Variants in NUP210L observed in about 807,000 individuals in gnomAD.
The protein encoded by NUP210L is nucleoporin 210 like, also known as nuclear pore membrane glycoprotein 210-like.
A neutral mutation model predicts 208.5 loss-of-function variants in NUP210L; 74 were observed. That is an observed-to-expected ratio of 0.35 (90% CI 0.29 to 0.43). NUP210L has a LOEUF of 0.43. NUP210L is among the 20% of genes least tolerant of loss of function. NUP210L has a pLI of 1.00. For synonymous variants in NUP210L, 780 were observed against 816.9 expected (o/e 0.95, Z 0.77); for missense variants, 1,843 against 2,289.4 (o/e 0.81, Z 3.98).
exon 1 of NUP210L, chr1:154,155,048 G>T: frequency 6.3e-7 from 1 of 1,598,030 alleles, no homozygotes; most frequent in South Asian, 1.1e-5. Flanking sequence ...CAGTCATGGC[G>T]ACTGCCAGGT....
chr1:154,061,642 C>A, exon 18 of NUP210L: 1 of 1,607,906 alleles, frequency 6.2e-7, no homozygotes, highest in African/African-American at 1.3e-5. Context: ...AGTACAGTCC[C>A]TTTTATCTGA....
At chr1:154,139,567 G>A (rs1658723463) in intron 5 of NUP210L, among the ~76,000 whole-genome samples, 1 of 151,958 alleles carries the variant, frequency 6.6e-6, no homozygotes, top group African/African-American at 2.4e-5. Context: ...GTGGGCTCAC[G>A]CCTGTAATCC....
chr1:154,022,249 G>C, exon 32 of NUP210L: 3 of 1,614,012 alleles, frequency 1.9e-6, no homozygotes, highest in Non-Finnish European at 2.5e-6. Flanking sequence ...GGATGTCTCC[G>C]GTCCCAAAGC....
intron 16 of NUP210L, among the ~76,000 whole-genome samples, chr1:154,073,513 C>CAAAT (rs1216581585): frequency 3.3e-5 from 5 of 151,788 alleles, no homozygotes; most frequent in East Asian, 3.9e-4. Flanking sequence ...GAGACCATCT[C>CAAAT]AAATAAATAA....
intron 27 of NUP210L, among the ~76,000 whole-genome samples, chr1:154,031,098 GTTTAT>G (rs1330706681): frequency 6.6e-6 from 1 of 151,894 alleles, no homozygotes; most frequent in Non-Finnish European, 1.5e-5. Flanking sequence ...AGTTATTTTA[GTTTAT>G]TTTGAGATGG....
chr1:154,061,180 C>T (rs909993006), intron 18 of NUP210L, 134 bp from the exon 19 acceptor site: 4 of 584,544 alleles, frequency 6.8e-6, no homozygotes, highest in Non-Finnish European at 1.2e-5. Flanking sequence ...GAGTTTGAGA[C>T]CAGCTTGGCT....
intron 16 of NUP210L, among the ~76,000 whole-genome samples, chr1:154,071,888 G>A (rs191727019): frequency 4.6e-5 from 7 of 151,766 alleles, no homozygotes; most frequent in African/African-American, 1.4e-4. Flanking sequence ...TGCCCACCTC[G>A]GCCTCCCAAA....
At chr1:154,042,181 C>T (rs959227484) in intron 27 of NUP210L, among the ~76,000 whole-genome samples, 2 of 151,436 alleles carry the variant, frequency 1.3e-5, no homozygotes, top group Non-Finnish European at 2.9e-5. Context: ...CTCACTGCAG[C>T]CTTCACCTCC....
At chr1:154,041,907 T>C (rs1346709858) in intron 27 of NUP210L, among the ~76,000 whole-genome samples, 1 of 152,126 alleles carries the variant, frequency 6.6e-6, no homozygotes, top group African/African-American at 2.4e-5. Context: ...CAAAATCACC[T>C]TTCCCCAGTC....
intron 15 of NUP210L, among the ~76,000 whole-genome samples, chr1:154,092,378 CTTT>C (rs1166945485): frequency 7.4e-6 from 1 of 134,768 alleles, no homozygotes; most frequent in Admixed American, 7.7e-5. Context: ...CGCGCCCGGC[CTTT>C]TTTTTTTTTA....
chr1:154,029,160 C>T (rs556916217), intron 28 of NUP210L, among the ~76,000 whole-genome samples: 2 of 148,750 alleles, frequency 1.3e-5, no homozygotes, highest in South Asian at 4.3e-4. Flanking sequence ...GGGCAGATCA[C>T]GAGGTCAGGA....
chr1:154,114,142 C>CA lies in NUP210L; in HGVS notation c.1620+3582dup, dbSNP rs768988851. The stretch of plus-strand genomic sequence containing the variant: ...TGGGCAACAGCGCAAGACTCCATCT[C>CA]AAAAAAAAAAAAAAAATTTGCCAGG... On this transcript the variant is annotated intron_variant, in intron 12 of 39. Transcript: ENST00000368559. Among the ~76,000 whole-genome samples the CA allele has an allele frequency of 2.5e-3, 306 of 120,126 alleles. 1 individual carries two copies. Among genetic ancestry groups the CA allele is most frequent in the African/African-American group, 5.2e-3 (167 of 32,270 alleles). The allele number at this position is 120,126 out of a possible 152,430, so 78.8% of individuals were successfully genotyped here.
chr1:153,993,089 GC>G lies in NUP210L; in HGVS notation c.5492-1del. ...TATCTTGTTTAGGAAGGCATTGTAT[GC>G]TGGAAAAAGGACAGGAAATGTCACA... On this transcript the variant is annotated splice_acceptor_variant, in intron 38 of 39. Transcript: ENST00000368559. LOFTEE classifies it high-confidence loss of function. 6.2e-7 allele frequency: 1 copy of G among 1,609,928 alleles called. No individual in the cohort carries two copies. The highest frequency in any genetic ancestry group is 8.5e-7 in the Non-Finnish European group (1 of 1,178,046).
At chr1:154,079,792 G>A (rs1479115831) in intron 16 of NUP210L, 1 of 152,228 alleles carries the variant, frequency 6.6e-6, no homozygotes, top group Non-Finnish European at 1.5e-5. Context: ...AGATCACTTG[G>A]TCTTCCCATG....
At chr1:154,122,933 C>T (rs954349077) in intron 10 of NUP210L, among the ~76,000 whole-genome samples, 2 of 151,790 alleles carry the variant, frequency 1.3e-5, no homozygotes, top group South Asian at 4.2e-4. Flanking sequence ...CACCTGTAGT[C>T]CCAGCTACTC....
chr1:154,052,415 G>A (rs954657187), intron 25 of NUP210L, among the ~76,000 whole-genome samples: 5 of 152,062 alleles, frequency 3.3e-5, no homozygotes, highest in African/African-American at 7.2e-5. Flanking sequence ...AACACCCGTC[G>A]AACACAGCCA....
chr1:154,107,736 G>A (rs535101687), intron 12 of NUP210L, among the ~76,000 whole-genome samples: 30 of 151,950 alleles, frequency 2.0e-4, no homozygotes, highest in African/African-American at 5.3e-4. Flanking sequence ...GCATGGTGGC[G>A]CATGCTATAA....
chr1:154,126,598 C>T (rs1444649237), intron 9 of NUP210L, 135 bp from the exon 10 acceptor site: 4 of 637,322 alleles, frequency 6.3e-6, no homozygotes, highest in East Asian at 3.0e-5. Context: ...TTTTGCTCTC[C>T]CTCATAGAAA....
intron 4 of NUP210L, among the ~76,000 whole-genome samples, 192 bp downstream of exon 4, chr1:154,141,239 C>T (rs1232096927): frequency 1.3e-5 from 2 of 152,078 alleles, no homozygotes; most frequent in African/African-American, 2.4e-5. Context: ...TCAGATTAAG[C>T]GATCATAAAG....
Sources: allele counts gnomAD v4.1 joint callset (sites outside exome capture counted in the v4.1 genomes callset), GRCh38; gene constraint gnomAD v4.1.1; transcripts MANE v1.5; gene names NCBI Gene and HGNC (gene_info 2026-07-23, HGNC 2026-07-21).